PRKCA: variants seen among roughly 807,000 people sequenced by gnomAD.
The protein encoded by PRKCA is protein kinase C alpha type.
PRKCA carries 27 observed loss-of-function variants against 87.0 expected under a neutral mutation model. That is an observed-to-expected ratio of 0.31 (90% CI 0.23 to 0.43). The LOEUF is 0.43. Among genes scored for constraint, PRKCA ranks in the 20% least tolerant of loss-of-function variants. The pLI is 1.00. For synonymous variants in PRKCA, 329 were observed against 311.1 expected (o/e 1.06, Z -0.61); for missense variants, 518 against 852.3 (o/e 0.61, Z 4.88).
intron 2 of PRKCA, among the ~76,000 whole-genome samples, chr17:66,432,561 C>T (rs760615605): frequency 7.2e-5 from 11 of 152,122 alleles, no homozygotes; most frequent in Non-Finnish European, 1.3e-4. Context: ...TGTGAGAAAA[C>T]TACGGCTTAG....
At chr17:66,553,723 T>C (rs1057013013) in intron 3 of PRKCA, among the ~76,000 whole-genome samples, 7 of 152,204 alleles carry the variant, frequency 4.6e-5, no homozygotes, top group African/African-American at 1.2e-4. Context: ...CCTGCTGACA[T>C]TGACATGAGC....
At position 66,321,587 on chromosome 17, in the gene PRKCA, A is replaced by T. The variant is rs183198093; in HGVS notation, c.205+15460A>T. ...TTTAGACAGCCTTGCTCTGTCGTCTATGCTGGAGTGCAATGGCATGATCTC... is the reference window on the plus strand; with the variant it reads ...TTTAGACAGCCTTGCTCTGTCGTCTTTGCTGGAGTGCAATGGCATGATCTC... On this transcript the variant is annotated intron_variant, in intron 2 of 16. Transcript: ENST00000413366. 2.6e-5 allele frequency among the ~76,000 whole-genome samples: 4 copies of T among 152,260 alleles called. No homozygotes were observed. The East Asian group carries it at 7.7e-4, about 29-fold the overall frequency.
At chr17:66,577,159 C>T (rs781496851) in intron 3 of PRKCA, among the ~76,000 whole-genome samples, 6 of 152,114 alleles carry the variant, frequency 3.9e-5, no homozygotes, top group Non-Finnish European at 7.4e-5. Context: ...TATGAGCCAC[C>T]GTGCCTGGCC....
intron 3 of PRKCA, among the ~76,000 whole-genome samples, chr17:66,528,290 A>T (rs932757633): frequency 2.0e-5 from 3 of 151,508 alleles, no homozygotes; most frequent in African/African-American, 7.3e-5. Context: ...TAGAATAAGT[A>T]GGTATGTACA....
chr17:66,748,765 A>G (rs1298298418), intron 13 of PRKCA, among the ~76,000 whole-genome samples: 1 of 152,132 alleles, frequency 6.6e-6, no homozygotes, highest in Non-Finnish European at 1.5e-5. Flanking sequence ...TGAAGGAAGC[A>G]TCATTTACGT....
intron 2 of PRKCA, among the ~76,000 whole-genome samples, chr17:66,448,451 C>T (rs2143909449): frequency 6.6e-6 from 1 of 152,262 alleles, no homozygotes; most frequent in South Asian, 2.1e-4. Flanking sequence ...GGCTCGATGC[C>T]ATTAAACTGC....
intron 3 of PRKCA, among the ~76,000 whole-genome samples, chr17:66,523,600 T>C (rs1333790501): frequency 6.6e-6 from 1 of 152,240 alleles, no homozygotes; most frequent in Non-Finnish European, 1.5e-5. Flanking sequence ...AGATCCCTGC[T>C]TAGTACTGTG....
intron 3 of PRKCA, 135 bp from the exon 4 acceptor site, chr17:66,641,220 C>G: frequency 1.8e-6 from 1 of 562,400 alleles, no homozygotes; most frequent in Non-Finnish European, 3.2e-6. Context: ...TTGTGTGACT[C>G]CAGAGAATGA....
At chr17:66,477,678 C>T (rs1189403432) in intron 2 of PRKCA, among the ~76,000 whole-genome samples, 2 of 152,178 alleles carry the variant, frequency 1.3e-5, no homozygotes, top group Non-Finnish European at 2.9e-5. Context: ...CCAGCCTGGG[C>T]AACAGAGTGA....
intron 3 of PRKCA, among the ~76,000 whole-genome samples, chr17:66,583,742 A>G (rs1969513866): frequency 6.6e-6 from 1 of 152,188 alleles, no homozygotes; most frequent in East Asian, 1.9e-4. Flanking sequence ...GAAGTTGGGT[A>G]AGTATTTTTC....
At chr17:66,638,660 A>C (rs552106596) in intron 3 of PRKCA, among the ~76,000 whole-genome samples, 1 of 152,266 alleles carries the variant, frequency 6.6e-6, no homozygotes, top group Admixed American at 6.5e-5. Context: ...CATCCTGGCT[A>C]ACAAAGTGAA....
intron 2 of PRKCA, among the ~76,000 whole-genome samples, chr17:66,327,205 A>G (rs1739125721): frequency 6.6e-6 from 1 of 151,984 alleles, no homozygotes. Context: ...TCTCTACTAA[A>G]AAATACAAAA....
intron 3 of PRKCA, among the ~76,000 whole-genome samples, chr17:66,564,599 C>A (rs551059579): frequency 9.8e-4 from 150 of 152,286 alleles, no homozygotes; most frequent in African/African-American, 3.4e-3. Context: ...GAAACAAAAC[C>A]CATGACTTTG....
intron 2 of PRKCA, among the ~76,000 whole-genome samples, chr17:66,413,539 A>G (rs1911940203): frequency 6.6e-6 from 1 of 152,152 alleles, no homozygotes; most frequent in South Asian, 2.1e-4. Flanking sequence ...TTTCCTGGCA[A>G]CCAGCCACCT....
intron 4 of PRKCA, among the ~76,000 whole-genome samples, chr17:66,642,461 C>T (rs2143805663): frequency 6.6e-6 from 1 of 152,226 alleles, no homozygotes; most frequent in East Asian, 1.9e-4. Context: ...TGAGATTCCT[C>T]AGGCTATGTT....
At chr17:66,560,286 C>G (rs1744078107) in intron 3 of PRKCA, among the ~76,000 whole-genome samples, 1 of 151,670 alleles carries the variant, frequency 6.6e-6, no homozygotes, top group South Asian at 2.1e-4. Flanking sequence ...TTCAGCTGGG[C>G]CCAAAGGAAA....
intron 2 of PRKCA, among the ~76,000 whole-genome samples, chr17:66,492,741 A>G (rs1441876707): frequency 2.6e-5 from 4 of 152,256 alleles, no homozygotes; most frequent in East Asian, 1.9e-4. Flanking sequence ...CGGCTTTATT[A>G]TCCGTCCTTC....
chr17:66,403,472 A>G (rs1260712926), intron 2 of PRKCA, among the ~76,000 whole-genome samples: 1 of 152,234 alleles, frequency 6.6e-6, no homozygotes, highest in Non-Finnish European at 1.5e-5. Context: ...ATAAGGTGTT[A>G]GCATGATTAT....
intron 2 of PRKCA, among the ~76,000 whole-genome samples, chr17:66,418,190 T>A (rs1567818711): frequency 6.6e-6 from 1 of 152,218 alleles, no homozygotes; most frequent in Non-Finnish European, 1.5e-5. Flanking sequence ...TGTCTGTGGA[T>A]TAAGCAGATC....
Sources: gnomAD v4.1 joint callset for allele counts (sites outside exome capture counted in the v4.1 genomes callset) on GRCh38, gnomAD v4.1.1 for gene constraint, MANE v1.5 for transcripts, NCBI Gene and HGNC (gene_info 2026-07-23, HGNC 2026-07-21) for gene names.